RGS3: variants seen among roughly 807,000 people sequenced by gnomAD.
RGS3 encodes regulator of G protein signaling 3.
RGS3 carries 80 observed loss-of-function variants against 132.6 expected under a neutral mutation model. The observed-to-expected ratio is 0.60, with a 90% CI of 0.50 to 0.73. RGS3 has a LOEUF of 0.73. Ranked by LOEUF, RGS3 falls within the 30% of genes least tolerant of loss-of-function variation. The probability of loss-of-function intolerance (pLI) is 0.00; values close to 1 mark genes in which losing one functional copy is unlikely to be tolerated. For synonymous variants in RGS3, 598 were observed against 620.6 expected (o/e 0.96, Z 0.54); for missense variants, 1,382 against 1,530.8 (o/e 0.90, Z 1.62).
rs1830153211 is a variant in RGS3, at chr9:113,481,337, C to T, written c.467-1722C>T. 3.9e-5 allele frequency among the ~76,000 whole-genome samples: 6 copies of T among 152,208 alleles called. No homozygotes were observed. In the South Asian group the frequency reaches 1.2e-3, roughly 31 times the overall value. Reference sequence around the variant, plus strand: ...ACAGGGACTGGGTGTGGTTCATTGTCACTGCTGGCCAGAGAGACCCAGGAG... The same window carrying T: ...ACAGGGACTGGGTGTGGTTCATTGTTACTGCTGGCCAGAGAGACCCAGGAG... On this transcript the variant is annotated intron_variant, in intron 4 of 24. Coordinates refer to ENST00000350696, the Ensembl canonical transcript of RGS3.
At chr9:113,494,393 T>C (rs12346939) in intron 7 of RGS3, among the ~76,000 whole-genome samples, 18,024 of 152,200 alleles carry the variant, frequency 0.12, 1,271 homozygotes, top group African/African-American at 0.19. Flanking sequence ...TGTAAACTTC[T>C]TTTTCTCTAA....
chr9:113,509,617 C>T (rs935452463), intron 14 of RGS3, among the ~76,000 whole-genome samples: 3 of 152,156 alleles, frequency 2.0e-5, no homozygotes, highest in African/African-American at 7.2e-5. Flanking sequence ...CTTCGCGTGC[C>T]TGCCAGAAAG....
chr9:113,558,686 C>T (rs184983132), intron 19 of RGS3, among the ~76,000 whole-genome samples: 4 of 152,126 alleles, frequency 2.6e-5, no homozygotes, highest in Admixed American at 2.6e-4. Context: ...CTTAAGCTAC[C>T]TGTGGTGAGG....
At chr9:113,501,595 C>T in intron 10 of RGS3, 1 of 1,559,332 alleles carries the variant, frequency 6.4e-7, no homozygotes, top group Non-Finnish European at 8.6e-7. Flanking sequence ...CTTCAATGGG[C>T]TCTGCAAGGT....
intron 11 of RGS3, 62 bp downstream of exon 9, chr9:113,505,585 CAT>C: frequency 7.3e-7 from 1 of 1,370,040 alleles, no homozygotes; most frequent in Non-Finnish European, 1.0e-6. Context: ...GCTTTGCAAA[CAT>C]AGTCTGGAAC....
At chr9:113,538,689 A>G (rs1185238344) in intron 19 of RGS3, among the ~76,000 whole-genome samples, 1 of 152,196 alleles carries the variant, frequency 6.6e-6, no homozygotes, top group Non-Finnish European at 1.5e-5. Flanking sequence ...CTTCAGGGCC[A>G]CACTAGAATG....
intron 8 of RGS3, among the ~76,000 whole-genome samples, chr9:113,496,887 C>G (rs142013149): frequency 2.6e-5 from 4 of 152,086 alleles, no homozygotes; most frequent in Non-Finnish European, 4.4e-5. Flanking sequence ...GCTTCATTCT[C>G]CTAGAAAAGA....
exon 20 of RGS3, chr9:113,583,563 TCCAGGACAAGACCTTCCA>T: frequency 6.2e-7 from 1 of 1,614,112 alleles, no homozygotes; most frequent in Non-Finnish European, 8.5e-7. Flanking sequence ...AGGAGCTTCC[TCCAGGACAAGACCTTCCA>T]CCCAACAAGG....
rs1835747717 is a variant in RGS3, at chr9:113,595,838, G to A, written c.3411+73G>A. 7 of 1,531,018 alleles carry A rather than the reference G, an allele frequency of 4.6e-6. 1 individual carries two copies. The Admixed American group carries it at 1.2e-4, about 27-fold the overall frequency. 94.8% of individuals were successfully genotyped at this position (1,531,018 alleles called of 1,614,324 possible). On this transcript the variant is annotated intron_variant, in intron 24 of 24. Coordinates refer to ENST00000350696, the Ensembl canonical transcript of RGS3. ...GTGGCCCTTCAGCTGCAAGGTGGCA[G>A]CCAGCAGCACAGGAAGGGGAGAGGC... is the stretch of plus-strand genomic sequence containing the variant.
chr9:113,572,920 G>A (rs954553391), intron 19 of RGS3, among the ~76,000 whole-genome samples: 1 of 152,254 alleles, frequency 6.6e-6, no homozygotes, highest in Non-Finnish European at 1.5e-5. Context: ...CTGCTGTAAG[G>A]GTCAGAATAC....
chr9:113,507,188 C>T lies in RGS3; in HGVS notation c.1086-99C>T. Reference sequence around the variant, plus strand: ...GGGGCTTCCCCTCTGGTGTCTGCCTCCTCTTCCCCCATTATCCTCTCTGCC... The same window carrying T: ...GGGGCTTCCCCTCTGGTGTCTGCCTTCTCTTCCCCCATTATCCTCTCTGCC... On this transcript the variant is annotated intron_variant, in intron 12 of 24. Coordinates refer to ENST00000350696, the Ensembl canonical transcript of RGS3. This position sits in a 1 kb window ranked among gnomAD's most constrained non-coding sequence, Gnocchi z 5.0. 1 of 958,712 alleles carries T rather than the reference C, an allele frequency of 1.0e-6. No homozygotes were observed. The highest frequency in any genetic ancestry group is 1.7e-5 in the South Asian group (1 of 59,948). The allele number at this position is 958,712 out of a possible 1,614,324, so 59.4% of individuals were successfully genotyped here. A position where few individuals can be genotyped will look rare whatever the true frequency, so the allele number is the denominator to read the frequency against.
intron 3 of RGS3, among the ~76,000 whole-genome samples, chr9:113,468,415 A>G (rs1051054764): frequency 2.0e-5 from 3 of 152,176 alleles, no homozygotes; most frequent in Non-Finnish European, 4.4e-5. Flanking sequence ...CTATCTGCCT[A>G]TTATCATTCC....
chr9:113,449,924 T>C (rs996841809), intron 1 of RGS3, among the ~76,000 whole-genome samples: 32 of 151,720 alleles, frequency 2.1e-4, no homozygotes, highest in Admixed American at 1.1e-3. Flanking sequence ...TTTGTATTTT[T>C]AGTAGAGATG....
chr9:113,480,458 CAAAAAAAAAA>C (rs755925249), intron 4 of RGS3, among the ~76,000 whole-genome samples: 1 of 65,894 alleles, frequency 1.5e-5, no homozygotes, highest in African/African-American at 6.1e-5. Context: ...GACTCCGTCT[CAAAAAAAAAA>C]AAAAAAAAAA....
In RGS3 at chr9:113,497,330, ACTACC is replaced by A; in HGVS notation, c.768_772del (p.Tyr257ProfsTer35). On this transcript the variant is annotated frameshift_variant, in exon 9 of 25. Transcript: ENST00000350696. LOFTEE classifies it high-confidence loss of function. Reference sequence around the variant, plus strand: ...TCGTGACAGGAGATCAGTGGTTGGTACTACCTCCTAGGGGAGCACCTGGGCCGGAC... The same window carrying A: ...TCGTGACAGGAGATCAGTGGTTGGTATCCTAGGGGAGCACCTGGGCCGGAC... The A allele has an allele frequency of 6.2e-7, 1 of 1,612,712 alleles. No homozygotes were observed. Among genetic ancestry groups the A allele is most frequent in the Non-Finnish European group, 8.5e-7 (1 of 1,179,434 alleles).
chr9:113,544,900 T>G (rs530739739), intron 19 of RGS3, among the ~76,000 whole-genome samples: 60 of 152,202 alleles, frequency 3.9e-4, no homozygotes, highest in Non-Finnish European at 7.2e-4. Flanking sequence ...ATCCGGCATG[T>G]CAGAAGCTGT....
chr9:113,532,756 T>C (rs778005025), intron 18 of RGS3, among the ~76,000 whole-genome samples: 1 of 152,096 alleles, frequency 6.6e-6, no homozygotes, highest in Non-Finnish European at 1.5e-5. Context: ...GTATTGAGGG[T>C]AGGTGGCTCT....
chr9:113,564,903 C>A, intron 19 of RGS3: 1 of 992,182 alleles, frequency 1.0e-6, no homozygotes, highest in Admixed American at 5.9e-5. Context: ...GGAACAGCGT[C>A]GGGGTGGGGG....
chr9:113,560,884 G>A (rs988315647), intron 19 of RGS3, among the ~76,000 whole-genome samples: 4 of 152,160 alleles, frequency 2.6e-5, no homozygotes, highest in Admixed American at 1.3e-4. Flanking sequence ...AGTTGAAGCC[G>A]GTGTGTACCC....
Sources: allele counts gnomAD v4.1 joint callset (sites outside exome capture counted in the v4.1 genomes callset), GRCh38; gene constraint gnomAD v4.1.1; non-coding constraint Gnocchi (gnomAD v3.1); transcripts MANE v1.5; gene names NCBI Gene and HGNC (gene_info 2026-07-23, HGNC 2026-07-21).